ADCY9: variants seen among roughly 807,000 people sequenced by gnomAD.
ADCY9 encodes the protein adenylate cyclase type 9.
In ADCY9, 50 loss-of-function variants were observed where a neutral mutation model predicts 101.5. The ratio of observed to expected loss-of-function variants is 0.49; its 90% CI spans 0.39 to 0.62. The LOEUF (loss-of-function observed/expected upper bound fraction) is 0.62, where lower values mean the gene tolerates loss of function less well. ADCY9 is among the 20% of genes least tolerant of loss of function. The probability of loss-of-function intolerance (pLI) is 0.00; values close to 1 mark genes in which losing one functional copy is unlikely to be tolerated. For synonymous variants in ADCY9, 905 were observed against 769.3 expected (o/e 1.18, Z -2.92); for missense variants, 1,662 against 1,800.4 (o/e 0.92, Z 1.39).
At chr16:3,982,883 C>G (rs1404900202) in intron 7 of ADCY9, 3 of 284,758 alleles carry the variant, frequency 1.1e-5, no homozygotes, top group Non-Finnish European at 2.0e-5. Flanking sequence ...TGTCCCAGGC[C>G]CACTACCCCC....
Position 4,004,987 on chromosome 16 carries a change from C to G in ADCY9, c.1884+2381G>C, listed in dbSNP as rs542384371. On this transcript the variant is annotated intron_variant, in intron 3 of 10. Coordinates refer to ENST00000294016, the MANE Select transcript of ADCY9 (RefSeq NM_001116.4). ...ATGTATTGGTCCTTGGCATGAAACT[C>G]CTTTTACTACATGAGCATTCCCCCA... is the stretch of plus-strand genomic sequence containing the variant. 3.3e-5 allele frequency among the ~76,000 whole-genome samples: 5 copies of G among 152,222 alleles called. No individual in the cohort carries two copies. The South Asian group carries it at 6.2e-4, about 19-fold the overall frequency.
rs780415827 is a variant in ADCY9 at position 3,965,913 on chromosome 16, G to C, written c.3924C>G (p.Pro1308=). 6.2e-7 allele frequency: 1 copy of C among 1,614,172 alleles called. No individual in the cohort carries two copies. The highest frequency in any genetic ancestry group is 1.1e-5 in the South Asian group (1 of 91,088). Residue 1308 remains proline (P), a synonymous_variant, in exon 11 of 11, where the codon CCC becomes CCG. Coordinates refer to ENST00000294016, the MANE Select transcript of ADCY9 (RefSeq NM_001116.4). ...TGACGGGCTCCTTCCACGGTCTCTT[G>C]GGGGACAGGTGGGCATCCTTGGCCT... ...STQAKDAHLS[P]KRPWKEPVKA... is the part of the protein sequence containing the mutation.
At chr16:3,989,825 C>T (rs887576314) in intron 5 of ADCY9, among the ~76,000 whole-genome samples, 1 of 152,210 alleles carries the variant, frequency 6.6e-6, no homozygotes, top group African/African-American at 2.4e-5. Context: ...AAACATAATT[C>T]AGAACCGGCG....
chr16:4,025,490 C>G (rs376772298), intron 2 of ADCY9, among the ~76,000 whole-genome samples: 2 of 152,246 alleles, frequency 1.3e-5, no homozygotes, highest in East Asian at 1.9e-4. Context: ...AGTGACCACA[C>G]CAGGGAGAGG....
intron 5 of ADCY9, among the ~76,000 whole-genome samples, chr16:3,955,985 C>G (rs1367055915): frequency 6.6e-6 from 1 of 152,150 alleles, no homozygotes; most frequent in Non-Finnish European, 1.5e-5. Flanking sequence ...AACGCAGCCT[C>G]CCAAGTAGCT....
At chr16:3,986,603 GCCCGCCACCATAC>G (rs1174186912) in intron 6 of ADCY9, among the ~76,000 whole-genome samples, 1 of 151,986 alleles carries the variant, frequency 6.6e-6, no homozygotes, top group Non-Finnish European at 1.5e-5. Context: ...GATTACAGGC[GCCCGCCACCATAC>G]CTGGCTAAGT....
intron 2 of ADCY9, among the ~76,000 whole-genome samples, chr16:4,008,242 T>A (rs1346138608): frequency 6.7e-6 from 1 of 149,664 alleles, no homozygotes; most frequent in African/African-American, 2.4e-5. Context: ...ACACTTGACC[T>A]GTATCTTTAC....
intron 5 of ADCY9, among the ~76,000 whole-genome samples, chr16:3,956,073 G>A (rs980848973): frequency 6.6e-6 from 1 of 151,854 alleles, no homozygotes; most frequent in Non-Finnish European, 1.5e-5. Context: ...AAGATTTTTT[G>A]TAGAAAAATT....
intron 3 of ADCY9, among the ~76,000 whole-genome samples, chr16:3,997,479 G>C (rs559695040): frequency 9.8e-5 from 15 of 152,360 alleles, no homozygotes; most frequent in Non-Finnish European, 1.6e-4. Flanking sequence ...AGAGGCCGAG[G>C]CCTGCACCCT....
In ADCY9 at chr16:4,024,934, G is replaced by T. The variant is rs545887625; in HGVS notation, c.1694-17376C>A. Among the ~76,000 whole-genome samples the T allele has an allele frequency of 5.5e-4, 83 of 152,164 alleles. 1 individual carries two copies. Among genetic ancestry groups the T allele is most frequent in the Non-Finnish European group, 7.2e-4 (49 of 68,022 alleles). ...TACCATGAAATCAGAAGGGAGCTCAGGGCCAGAGATCCACTGTCCATAATA... is the reference window on the plus strand; with the variant it reads ...TACCATGAAATCAGAAGGGAGCTCATGGCCAGAGATCCACTGTCCATAATA... On this transcript the variant is annotated intron_variant, in intron 2 of 10. Coordinates refer to ENST00000294016, the MANE Select transcript of ADCY9 (RefSeq NM_001116.4).
At chr16:3,956,741 C>T (rs7198009) in intron 5 of ADCY9, among the ~76,000 whole-genome samples, 64,944 of 150,866 alleles carry the variant, frequency 0.43, 15,229 homozygotes, top group African/African-American at 0.62. Context: ...GTGATCCGCC[C>T]GCCTTGGCCT....
intron 2 of ADCY9, among the ~76,000 whole-genome samples, chr16:4,110,394 T>A (rs1199936584): frequency 3.6e-5 from 5 of 140,252 alleles, no homozygotes; most frequent in African/African-American, 1.4e-4. Context: ...TTTTTTTTTT[T>A]TTTTTTTTGA....
intron 2 of ADCY9, among the ~76,000 whole-genome samples, chr16:4,023,359 C>G (rs2056491156): frequency 6.6e-6 from 1 of 152,190 alleles, no homozygotes; most frequent in Non-Finnish European, 1.5e-5. Flanking sequence ...AGAGAATACC[C>G]AACATGCGGT....
chr16:4,028,775 ATTTTCTTT>A (rs918380097), intron 2 of ADCY9, among the ~76,000 whole-genome samples: 5 of 151,580 alleles, frequency 3.3e-5, no homozygotes, highest in African/African-American at 1.2e-4. Flanking sequence ...TTCGTTATCT[ATTTTCTTT>A]TTTTCTTTTT....
chr16:4,011,667 C>A (rs915211950), intron 2 of ADCY9, among the ~76,000 whole-genome samples: 1 of 152,172 alleles, frequency 6.6e-6, no homozygotes, highest in Admixed American at 6.5e-5. Context: ...TTCATCTCTG[C>A]CTCTCAGTTT....
At position 4,115,972 on chromosome 16, in the gene ADCY9, CG is replaced by C. The variant is rs375153296; in HGVS notation, c.-327del. On this transcript the variant is annotated 5_prime_UTR_variant, in exon 1 of 11. Coordinates refer to ENST00000294016, the MANE Select transcript of ADCY9 (RefSeq NM_001116.4). This position sits in a 1 kb window ranked among gnomAD's most constrained non-coding sequence, Gnocchi z 6.2. The stretch of plus-strand genomic sequence containing the variant: ...GTCAAAGGCGGCGCGCGGCCGGCCC[CG>C]GGCCCGGACCCCGACCCGGAGCAGC... 1 allele frequency: 302,814 copies of C among 302,876 alleles called. 151,376 individuals are homozygous for C. Among genetic ancestry groups the C allele is most frequent in the Admixed American group, 1 (19,207 of 19,210 alleles). 18.8% of individuals were successfully genotyped at this position (302,876 alleles called of 1,614,324 possible).
chr16:3,975,798 T>A (rs2056088085), intron 9 of ADCY9, among the ~76,000 whole-genome samples: 1 of 152,168 alleles, frequency 6.6e-6, no homozygotes, highest in Non-Finnish European at 1.5e-5. Flanking sequence ...AAAAGCCCAA[T>A]ATTTGGGAGA....
At position 4,035,220 on chromosome 16, in the gene ADCY9, T is replaced by C. The variant is rs180992651; in HGVS notation, c.1694-27662A>G. 5.3e-5 allele frequency among the ~76,000 whole-genome samples: 8 copies of C among 152,322 alleles called. 1 individual carries two copies. The East Asian group carries it at 1.4e-3, about 26-fold the overall frequency. On this transcript the variant is annotated intron_variant, in intron 2 of 10. Coordinates refer to ENST00000294016, the MANE Select transcript of ADCY9 (RefSeq NM_001116.4). Reference sequence around the variant, plus strand: ...CAGAGGCAGTTCTGGCAGCTTCCACTTGGCCTTTGCTACCACAACAGCCCT... The same window carrying C: ...CAGAGGCAGTTCTGGCAGCTTCCACCTGGCCTTTGCTACCACAACAGCCCT...
At chr16:4,036,613 C>A (rs1480096737) in intron 2 of ADCY9, among the ~76,000 whole-genome samples, 1 of 151,800 alleles carries the variant, frequency 6.6e-6, no homozygotes, top group Non-Finnish European at 1.5e-5. Context: ...CAGGCACCCA[C>A]CAACCACCCG....
Sources: gnomAD v4.1 joint callset for allele counts (sites outside exome capture counted in the v4.1 genomes callset) on GRCh38, gnomAD v4.1.1 for gene constraint, Gnocchi (gnomAD v3.1) non-coding constraint, MANE v1.5 for transcripts, NCBI Gene and HGNC (gene_info 2026-07-23, HGNC 2026-07-21) for gene names.